The following PCSK5 variants were observed in gnomAD, a reference collection of about 807,000 sequenced individuals.
PCSK5 encodes the protein proprotein convertase subtilisin/kexin type 5, also known as prohormone convertase 5.
In PCSK5, 129 loss-of-function variants were observed where a neutral mutation model predicts 233.2. The ratio of observed to expected loss-of-function variants is 0.55; its 90% confidence interval spans 0.48 to 0.64. PCSK5 has a LOEUF of 0.64. Among genes scored for constraint, PCSK5 ranks in the 30% least tolerant of loss-of-function variants. The pLI is 0.00. For missense variants in PCSK5, 2,076 were observed against 2,430.1 expected (o/e 0.85, Z 3.06); for synonymous variants, 825 against 879.2 (o/e 0.94, Z 1.09).
rs1007146220 is a variant in PCSK5 at position 76,162,849 on chromosome 9, T to G, written c.1619+3678T>G. Among the ~76,000 whole-genome samples the G allele has an allele frequency of 7.2e-5, 11 of 152,264 alleles. No homozygotes were observed. In the South Asian group the frequency reaches 1.4e-3, roughly 20 times the overall value. On this transcript the variant is annotated intron_variant, in intron 12 of 37. Transcript: ENST00000674117. ...GATTCTTTTCATCCCGAATTAGAAT[T>G]TCCAACACTGCACACTTAACTAGCC... is the stretch of plus-strand genomic sequence containing the variant.
intron 24 of PCSK5, among the ~76,000 whole-genome samples, chr9:76,258,432 G>A (rs911770077): frequency 6.6e-6 from 1 of 152,172 alleles, no homozygotes; most frequent in Non-Finnish European, 1.5e-5. Flanking sequence ...GTGCTTATTG[G>A]AAAGCCTAGT....
chr9:75,989,433 G>A (rs568583192), intron 3 of PCSK5, among the ~76,000 whole-genome samples: 1 of 152,078 alleles, frequency 6.6e-6, no homozygotes, highest in South Asian at 2.1e-4. Flanking sequence ...GGCAGAGGTT[G>A]CAGTGAGCCA....
At chr9:76,231,332 G>A (rs1193119748) in intron 21 of PCSK5, among the ~76,000 whole-genome samples, 4 of 152,090 alleles carry the variant, frequency 2.6e-5, no homozygotes, top group South Asian at 2.1e-4. Flanking sequence ...TCCCTCCCAC[G>A]ACTCGGATCA....
At chr9:76,050,210 T>G (rs2131554719) in intron 5 of PCSK5, among the ~76,000 whole-genome samples, 1 of 152,288 alleles carries the variant, frequency 6.6e-6, no homozygotes, top group African/African-American at 2.4e-5. Context: ...ATAATAATAT[T>G]CATAAAATTA....
chr9:76,258,277 C>CTT (rs1827048814), intron 24 of PCSK5, among the ~76,000 whole-genome samples: 1 of 152,134 alleles, frequency 6.6e-6, no homozygotes, highest in South Asian at 2.1e-4. Context: ...TTGCTAGTAA[C>CTT]CTGGATCTTC....
intron 24 of PCSK5, among the ~76,000 whole-genome samples, chr9:76,276,616 T>C (rs539614020): frequency 3.9e-4 from 60 of 152,174 alleles, no homozygotes; most frequent in Non-Finnish European, 6.6e-4. Flanking sequence ...GAACCTCCCA[T>C]GCTAGCTCTT....
chr9:76,291,629 T>C (rs963539729), intron 24 of PCSK5, among the ~76,000 whole-genome samples: 2 of 152,114 alleles, frequency 1.3e-5, no homozygotes, highest in Admixed American at 1.3e-4. Flanking sequence ...TCTCTTTAAG[T>C]CCCCTGAAAG....
At chr9:76,178,511 G>A (rs1469126509) in intron 14 of PCSK5, among the ~76,000 whole-genome samples, 1 of 152,134 alleles carries the variant, frequency 6.6e-6, no homozygotes, top group Non-Finnish European at 1.5e-5. Flanking sequence ...GAGGGTATTT[G>A]ACTACCAGAT....
chr9:76,298,624 A>T (rs980650546), intron 27 of PCSK5, among the ~76,000 whole-genome samples: 2 of 144,990 alleles, frequency 1.4e-5, no homozygotes. Context: ...GCCAATGCCT[A>T]CAACCTTCTC....
chr9:76,109,738 T>TC (rs1832133026), intron 9 of PCSK5, among the ~76,000 whole-genome samples: 1 of 152,148 alleles, frequency 6.6e-6, no homozygotes, highest in Non-Finnish European at 1.5e-5. Flanking sequence ...AACTATCTGA[T>TC]AAACTCAGAA....
At chr9:76,356,063 C>T (rs1343583409) in intron 37 of PCSK5, among the ~76,000 whole-genome samples, 1 of 152,172 alleles carries the variant, frequency 6.6e-6, no homozygotes, top group African/African-American at 2.4e-5. Context: ...TTCCTTCTTT[C>T]AGCTTTCCCA....
intron 17 of PCSK5, among the ~76,000 whole-genome samples, chr9:76,188,189 A>T (rs1403886654): frequency 6.6e-6 from 1 of 152,216 alleles, no homozygotes; most frequent in Non-Finnish European, 1.5e-5. Flanking sequence ...TGAATTTATT[A>T]TGTAGTAAGT....
chr9:76,316,640 A>C (rs1299836986), intron 30 of PCSK5, among the ~76,000 whole-genome samples: 1 of 150,518 alleles, frequency 6.6e-6, no homozygotes, highest in African/African-American at 2.5e-5. Context: ...CAGGAGGCCA[A>C]AGTGGGAGGA....
At position 76,295,405 on chromosome 9, in the gene PCSK5, C is replaced by T. The variant is rs964413111; in HGVS notation, c.3316C>T (p.Leu1106Phe). 9 of 1,611,926 alleles carry T rather than the reference C, an allele frequency of 5.6e-6. No homozygotes were observed. Among genetic ancestry groups the T allele is most frequent in the Non-Finnish European group, 7.6e-6 (9 of 1,179,592 alleles). The change falls in exon 26 of 38, where the codon CTC becomes TTC. Residue 1106 changes from leucine to phenylalanine, a missense_variant. Coordinates refer to ENST00000674117, the MANE Select transcript of PCSK5 (RefSeq NM_001372043.1). ...GCYWCEEGFF[L>F]LGGSCVRKCG... ...TTACTGGTGTGAAGAGGGCTTCTTT[C>T]TCTTAGGTAAGTTAGAAAATGGCAC...
At chr9:76,154,167 T>C (rs1206823186) in intron 10 of PCSK5, among the ~76,000 whole-genome samples, 1 of 152,202 alleles carries the variant, frequency 6.6e-6, no homozygotes, top group African/African-American at 2.4e-5. Flanking sequence ...TTCATTAATA[T>C]TATATTAGTA....
chr9:76,111,244 A>C (rs1444929509), intron 9 of PCSK5, among the ~76,000 whole-genome samples: 1 of 152,228 alleles, frequency 6.6e-6, no homozygotes, highest in Non-Finnish European at 1.5e-5. Context: ...ATATGCTCGC[A>C]GATACTTGAA....
At chr9:76,010,716 A>G (rs956155532) in intron 3 of PCSK5, among the ~76,000 whole-genome samples, 1 of 152,242 alleles carries the variant, frequency 6.6e-6, no homozygotes, top group African/African-American at 2.4e-5. Context: ...TAAGGTGTTT[A>G]TGTTAGTTAC....
At chr9:76,175,787 GA>G (rs1374322949) in intron 14 of PCSK5, among the ~76,000 whole-genome samples, 3 of 152,158 alleles carry the variant, frequency 2.0e-5, no homozygotes, top group African/African-American at 7.2e-5. Context: ...AGAAAGAGGT[GA>G]ACGTTTTAAA....
intron 1 of PCSK5, among the ~76,000 whole-genome samples, chr9:75,918,932 G>T (rs1823122398): frequency 6.6e-6 from 1 of 152,064 alleles, no homozygotes; most frequent in Non-Finnish European, 1.5e-5. Context: ...TAGCTCTCTT[G>T]ATGACAGGGC....
Sources: gnomAD v4.1 joint callset for allele counts (sites outside exome capture counted in the v4.1 genomes callset) on GRCh38, gnomAD v4.1.1 for gene constraint, MANE v1.5 for transcripts, NCBI Gene and HGNC (gene_info 2026-07-23, HGNC 2026-07-21) for gene names.